Variants in RBFOX1 observed in about 807,000 individuals in gnomAD.
RBFOX1 encodes the protein RNA binding fox-1 homolog 1.
Under a neutral mutation model 57.7 loss-of-function variants are expected in RBFOX1, and 8 were observed. That is an observed-to-expected ratio of 0.14 (90% CI 0.08 to 0.25). The LOEUF (loss-of-function observed/expected upper bound fraction) is 0.25. RBFOX1 is among the 10% of genes least tolerant of loss of function. The pLI is 1.00. For missense variants in RBFOX1, 611 were observed against 548.5 expected (o/e 1.11, Z -1.14); for synonymous variants, 326 against 222.4 (o/e 1.47, Z -4.15).
At chr16:7,596,624 T>A (rs1454757972) in intron 8 of RBFOX1, among the ~76,000 whole-genome samples, 1 of 152,068 alleles carries the variant, frequency 6.6e-6, no homozygotes, top group Non-Finnish European at 1.5e-5. Context: ...TGACTTGTCG[T>A]ATTAAGTTTT....
At chr16:5,943,596 A>T (rs1007810533) in intron 4 of RBFOX1, among the ~76,000 whole-genome samples, 1 of 152,212 alleles carries the variant, frequency 6.6e-6, no homozygotes, top group Non-Finnish European at 1.5e-5. Flanking sequence ...CTTTGGGTCA[A>T]CTTGGCCAAG....
intron 3 of RBFOX1, among the ~76,000 whole-genome samples, chr16:6,745,624 C>A (rs1387869325): frequency 5.9e-5 from 9 of 152,040 alleles, no homozygotes; most frequent in Admixed American, 5.9e-4. Flanking sequence ...AAAAGCTCAG[C>A]AAGAATAGAA....
intron 4 of RBFOX1, among the ~76,000 whole-genome samples, chr16:5,969,040 T>C (rs2059907323): frequency 6.6e-6 from 1 of 152,060 alleles, no homozygotes; most frequent in African/African-American, 2.4e-5. Flanking sequence ...AAATGAGTTT[T>C]TTCTTTTATT....
At chr16:7,702,230 A>T (rs1331534356) in intron 14 of RBFOX1, among the ~76,000 whole-genome samples, 1 of 152,194 alleles carries the variant, frequency 6.6e-6, no homozygotes, top group Non-Finnish European at 1.5e-5. Flanking sequence ...GAGACTGATC[A>T]TTTCAGAGAT....
chr16:7,009,824 A>G (rs201325848), intron 3 of RBFOX1, among the ~76,000 whole-genome samples: 1 of 152,208 alleles, frequency 6.6e-6, no homozygotes, highest in African/African-American at 2.4e-5. Context: ...GCTAACGTGA[A>G]AAGTTTGTAT....
At chr16:6,739,889 T>C (rs1225305393) in intron 3 of RBFOX1, among the ~76,000 whole-genome samples, 3 of 152,004 alleles carry the variant, frequency 2.0e-5, no homozygotes, top group African/African-American at 7.3e-5. Context: ...GAATAAAACG[T>C]GGTGGTCCAC....
At chr16:6,579,815 G>T (rs536242466) in intron 2 of RBFOX1, among the ~76,000 whole-genome samples, 6 of 152,096 alleles carry the variant, frequency 3.9e-5, no homozygotes, top group African/African-American at 1.4e-4. Context: ...CAAACTCCTG[G>T]TCTCAAGCTG....
intron 3 of RBFOX1, among the ~76,000 whole-genome samples, chr16:6,948,452 G>A (rs1476059700): frequency 8.2e-5 from 10 of 122,290 alleles, no homozygotes; most frequent in Non-Finnish European, 3.1e-5. Flanking sequence ...AGTTTATCTC[G>A]GCTCACTACA....
intron 4 of RBFOX1, among the ~76,000 whole-genome samples, chr16:7,455,676 A>G (rs1598844667): frequency 1.3e-5 from 2 of 151,014 alleles, no homozygotes; most frequent in African/African-American, 2.4e-5. Flanking sequence ...AGTCCCAGCT[A>G]CTCAGGAGGC....
chr16:6,670,752 C>T (rs1345570480), intron 3 of RBFOX1, among the ~76,000 whole-genome samples: 3 of 152,112 alleles, frequency 2.0e-5, no homozygotes, highest in African/African-American at 7.2e-5. Context: ...AATCCCAGCA[C>T]TCTGGGAGGC....
chr16:7,066,332 T>C (rs982927999), intron 4 of RBFOX1, among the ~76,000 whole-genome samples: 2 of 152,178 alleles, frequency 1.3e-5, no homozygotes, highest in African/African-American at 2.4e-5. Context: ...TAAGAATGCA[T>C]TTGCTTTTTA....
chr16:6,707,620 A>G (rs543530703), intron 3 of RBFOX1, among the ~76,000 whole-genome samples: 1 of 151,954 alleles, frequency 6.6e-6, no homozygotes, highest in Non-Finnish European at 1.5e-5. Flanking sequence ...AAGATGCTGG[A>G]TCTCCTTGGA....
intron 3 of RBFOX1, among the ~76,000 whole-genome samples, chr16:6,819,722 A>T (rs2090907990): frequency 6.9e-6 from 1 of 144,792 alleles, no homozygotes; most frequent in African/African-American, 2.6e-5. Flanking sequence ...AAAAAAAAAA[A>T]AAAAAAAAAT....
At chr16:7,120,701 A>G (rs1210825383) in intron 4 of RBFOX1, among the ~76,000 whole-genome samples, 1 of 150,902 alleles carries the variant, frequency 6.6e-6, no homozygotes, top group Non-Finnish European at 1.5e-5. Context: ...TGGGAAAAAA[A>G]AAAAAAAACT....
chr16:5,769,229 A>G (rs995344831), intron 3 of RBFOX1, among the ~76,000 whole-genome samples: 7 of 152,098 alleles, frequency 4.6e-5, no homozygotes, highest in African/African-American at 1.7e-4. Flanking sequence ...TGAAGTCCTA[A>G]CCCCAGCTAC....
intron 3 of RBFOX1, among the ~76,000 whole-genome samples, chr16:5,685,111 G>C (rs1309211001): frequency 6.6e-6 from 1 of 152,150 alleles, no homozygotes; most frequent in Non-Finnish European, 1.5e-5. Context: ...GAGAAAAGAA[G>C]CAAGGGTGTT....
intron 2 of RBFOX1, among the ~76,000 whole-genome samples, chr16:5,569,745 T>G (rs7184730): frequency 0.36 from 55,073 of 151,686 alleles, 11,464 homozygotes; most frequent in East Asian, 0.53. Context: ...CCTTTCCTCA[T>G]GACCCCTCCA....
intron 4 of RBFOX1, among the ~76,000 whole-genome samples, chr16:5,878,719 C>A (rs1236329324): frequency 2.6e-5 from 4 of 152,120 alleles, no homozygotes; most frequent in Non-Finnish European, 5.9e-5. Flanking sequence ...TATTGCAATT[C>A]TGGCTTCCTC....
intron 3 of RBFOX1, among the ~76,000 whole-genome samples, chr16:6,870,492 C>G (rs1002347138): frequency 6.6e-6 from 1 of 152,148 alleles, no homozygotes; most frequent in Non-Finnish European, 1.5e-5. Flanking sequence ...GATTTAAGAG[C>G]TTCATGATAT....
Sources: allele counts gnomAD v4.1 joint callset (sites outside exome capture counted in the v4.1 genomes callset), GRCh38; gene constraint gnomAD v4.1.1; transcripts MANE v1.5; gene names NCBI Gene and HGNC (gene_info 2026-07-23, HGNC 2026-07-21).